DOCK3: variants seen among roughly 807,000 people sequenced by gnomAD.
The protein encoded by DOCK3 is dedicator of cytokinesis 3.
Under a neutral mutation model 265.6 loss-of-function variants are expected in DOCK3, and 60 were observed. The ratio of observed to expected loss-of-function variants is 0.23; its 90% confidence interval spans 0.18 to 0.28. The LOEUF (loss-of-function observed/expected upper bound fraction) is 0.28, where lower values mean the gene tolerates loss of function less well. Among genes scored for constraint, DOCK3 ranks in the 10% least tolerant of loss-of-function variants. The pLI, the probability that DOCK3 is intolerant of heterozygous loss-of-function variation, is 1.00. For missense variants in DOCK3, 1,981 were observed against 2,594.3 expected (o/e 0.76, Z 5.14); for synonymous variants, 881 against 938.0 (o/e 0.94, Z 1.11).
At chr3:51,079,182 C>T (rs2082145199) in intron 7 of DOCK3, among the ~76,000 whole-genome samples, 1 of 152,020 alleles carries the variant, frequency 6.6e-6, no homozygotes, top group African/African-American at 2.4e-5. Flanking sequence ...GGGAAAAAAT[C>T]CTGTATGAAT....
chr3:51,234,598 T>G (rs1468350449), intron 19 of DOCK3, among the ~76,000 whole-genome samples: 3 of 152,248 alleles, frequency 2.0e-5, no homozygotes, highest in Non-Finnish European at 1.5e-5. Context: ...AAGCCTGATA[T>G]CTTTCTGGCT....
chr3:50,915,502 G>A (rs1347541378), intron 4 of DOCK3, among the ~76,000 whole-genome samples: 3 of 152,026 alleles, frequency 2.0e-5, no homozygotes, highest in Non-Finnish European at 4.4e-5. Context: ...AGTATTGTGT[G>A]GCCTGTAGGG....
At chr3:51,217,727 C>T (rs1249783149) in intron 14 of DOCK3, among the ~76,000 whole-genome samples, 1 of 152,102 alleles carries the variant, frequency 6.6e-6, no homozygotes, top group Non-Finnish European at 1.5e-5. Flanking sequence ...TGGATGTTAA[C>T]ATTGTTTTCT....
intron 1 of DOCK3, among the ~76,000 whole-genome samples, chr3:50,754,942 A>T (rs894417752): frequency 6.6e-6 from 1 of 152,230 alleles, no homozygotes; most frequent in Non-Finnish European, 1.5e-5. Context: ...ATGACTTTAC[A>T]GCAGTTGTGA....
intron 1 of DOCK3, among the ~76,000 whole-genome samples, chr3:50,709,127 C>T (rs971532411): frequency 1.1e-4 from 16 of 152,184 alleles, no homozygotes; most frequent in African/African-American, 3.4e-4. Flanking sequence ...AGATGTCACT[C>T]GTTAGACATT....
At chr3:51,293,216 AT>A (rs946425644) in intron 27 of DOCK3, among the ~76,000 whole-genome samples, 2 of 152,196 alleles carry the variant, frequency 1.3e-5, no homozygotes, top group African/African-American at 4.8e-5. Flanking sequence ...ACTCTACCAT[AT>A]TTCAAAGCAT....
intron 27 of DOCK3, among the ~76,000 whole-genome samples, chr3:51,301,570 C>G (rs1425309309): frequency 6.6e-6 from 1 of 152,120 alleles, no homozygotes; most frequent in Admixed American, 6.5e-5. Context: ...CCTCTTAACA[C>G]TCTTTTAGCT....
At chr3:51,340,835 C>T (rs1455991663) in intron 37 of DOCK3, among the ~76,000 whole-genome samples, 1 of 152,140 alleles carries the variant, frequency 6.6e-6, no homozygotes, top group African/African-American at 2.4e-5. Context: ...TAATGGAGCC[C>T]TAAGAGCCAG....
chr3:51,339,385 T>C (rs1246143571), intron 37 of DOCK3, among the ~76,000 whole-genome samples: 1 of 152,198 alleles, frequency 6.6e-6, no homozygotes, highest in Non-Finnish European at 1.5e-5. Context: ...GAGAGCCTTT[T>C]TTAGGACTTT....
At chr3:51,061,563 G>T (rs867255960) in intron 5 of DOCK3, among the ~76,000 whole-genome samples, 1 of 152,014 alleles carries the variant, frequency 6.6e-6, no homozygotes, top group African/African-American at 2.4e-5. Context: ...GGCCTGATGT[G>T]GGGTGGGGAG....
intron 2 of DOCK3, among the ~76,000 whole-genome samples, chr3:50,832,091 G>C (rs965221106): frequency 1.3e-5 from 2 of 152,026 alleles, no homozygotes; most frequent in African/African-American, 4.8e-5. Flanking sequence ...CAACAAACCT[G>C]ACAAAAACAA....
At chr3:50,958,077 T>A (rs1238652201) in intron 5 of DOCK3, among the ~76,000 whole-genome samples, 3 of 152,246 alleles carry the variant, frequency 2.0e-5, no homozygotes, top group Non-Finnish European at 4.4e-5. Context: ...CTTTGATATG[T>A]CTTCTAATTT....
intron 1 of DOCK3, among the ~76,000 whole-genome samples, chr3:50,679,796 G>A (rs748376207): frequency 6.6e-6 from 1 of 152,126 alleles, no homozygotes; most frequent in Non-Finnish European, 1.5e-5. Flanking sequence ...ATCCACTAGG[G>A]GTAGGAAAGA....
At chr3:51,317,505 G>A (rs1001746181) in intron 32 of DOCK3, among the ~76,000 whole-genome samples, 4 of 150,298 alleles carry the variant, frequency 2.7e-5, no homozygotes, top group Middle Eastern at 3.5e-3. Context: ...ACTTGAACCC[G>A]GGAGGTGGAA....
At chr3:50,855,801 A>G (rs2046564258) in intron 3 of DOCK3, among the ~76,000 whole-genome samples, 1 of 151,766 alleles carries the variant, frequency 6.6e-6, no homozygotes, top group Admixed American at 6.6e-5. Flanking sequence ...TAAGCCCAGC[A>G]TCCACTAGCT....
rs147459433 is a variant in DOCK3 at position 50,913,467 on chromosome 3, A to G, written c.219-20514A>G. Among the ~76,000 whole-genome samples, 295 of 152,086 alleles carry G rather than the reference A, an allele frequency of 1.9e-3. 7 individuals are homozygous for G. Among genetic ancestry groups the G allele is most frequent in the African/African-American group, 6.7e-3 (278 of 41,428 alleles). On this transcript the variant is annotated intron_variant, in intron 4 of 52. Coordinates refer to ENST00000266037, the MANE Select transcript of DOCK3 (RefSeq NM_004947.5). Reference sequence around the variant, plus strand: ...CCTTAGTTGCTTTGGCTCTTGTCCCATTAGGTGTCACGCACCTCTCCAGTC... The same window carrying G: ...CCTTAGTTGCTTTGGCTCTTGTCCCGTTAGGTGTCACGCACCTCTCCAGTC...
intron 27 of DOCK3, among the ~76,000 whole-genome samples, chr3:51,286,915 CA>C: frequency 6.6e-6 from 1 of 152,084 alleles, no homozygotes; most frequent in Non-Finnish European, 1.5e-5. Flanking sequence ...TAGGCCCTGA[CA>C]AAGATTTCAT....
chr3:51,140,215 C>T (rs2084986001), intron 9 of DOCK3, among the ~76,000 whole-genome samples: 1 of 152,162 alleles, frequency 6.6e-6, no homozygotes, highest in African/African-American at 2.4e-5. Flanking sequence ...ACAGTATCAT[C>T]AACTCAAAAA....
chr3:51,325,202 G>C (rs1193942499), intron 32 of DOCK3, among the ~76,000 whole-genome samples: 1 of 150,740 alleles, frequency 6.6e-6, no homozygotes, highest in Non-Finnish European at 1.5e-5. Context: ...AATCTACAAA[G>C]AACTTAAATT....
Sources: gnomAD v4.1 joint callset for allele counts (sites outside exome capture counted in the v4.1 genomes callset) on GRCh38, gnomAD v4.1.1 for gene constraint, MANE v1.5 for transcripts, NCBI Gene and HGNC (gene_info 2026-07-23, HGNC 2026-07-21) for gene names.